Variants in RPS6KC1 observed in about 807,000 individuals in gnomAD.
The protein encoded by RPS6KC1 is inactive ribosomal protein S6 kinase delta-1.
In RPS6KC1, 54 loss-of-function variants were observed where a neutral mutation model predicts 103.8. The observed-to-expected ratio is 0.52, with a 90% CI of 0.42 to 0.65. The LOEUF (loss-of-function observed/expected upper bound fraction) is 0.65. RPS6KC1 is among the 30% of genes least tolerant of loss of function. The pLI is 0.00. For synonymous variants in RPS6KC1, 439 were observed against 438.7 expected, an observed-to-expected ratio of 1.00 and a Z score of -0.01; for missense variants, 1,151 against 1,253.8, an observed-to-expected ratio of 0.92 and a Z score of 1.24.
intron 3 of RPS6KC1, among the ~76,000 whole-genome samples, chr1:213,078,741 G>A (rs113535813): frequency 6.6e-6 from 1 of 152,114 alleles, no homozygotes; most frequent in Non-Finnish European, 1.5e-5. Flanking sequence ...ACCAATTTCT[G>A]CATATGTAAT....
chr1:213,252,086 C>T (rs1408641099), intron 12 of RPS6KC1, among the ~76,000 whole-genome samples: 2 of 152,198 alleles, frequency 1.3e-5, no homozygotes, highest in Non-Finnish European at 2.9e-5. Context: ...ATGCTTTCTT[C>T]TGTGTTTCTT....
the RPS6KC1 span, among the ~76,000 whole-genome samples, chr1:213,476,513 A>C: frequency 4.3e-4 from 66 of 152,260 alleles, no homozygotes; most frequent in African/African-American, 1.4e-3. Context: ...CCCTTTATAA[A>C]TCTTTCCATT....
At chr1:213,167,747 CTTCTT>C in intron 6 of RPS6KC1, 106 bp from the exon 7 acceptor site, 2 of 529,630 alleles carry the variant, frequency 3.8e-6, no homozygotes, top group Non-Finnish European at 3.2e-6. Context: ...TTGAATATCT[CTTCTT>C]TTTTGTTAGA....
chr1:213,493,048 A>G, the RPS6KC1 span, among the ~76,000 whole-genome samples: 13 of 152,238 alleles, frequency 8.5e-5, no homozygotes, highest in Admixed American at 7.2e-4. Flanking sequence ...TTGGAGGTCT[A>G]AAATGCAAGA....
At chr1:213,488,756 A>G in the RPS6KC1 span, among the ~76,000 whole-genome samples, 147 of 152,364 alleles carry the variant, frequency 9.6e-4, no homozygotes, top group African/African-American at 3.4e-3. Context: ...CCAAACTGAC[A>G]TAAGATCTTT....
intron 7 of RPS6KC1, among the ~76,000 whole-genome samples, chr1:213,173,280 C>T (rs2091619212): frequency 6.6e-6 from 1 of 152,120 alleles, no homozygotes; most frequent in Non-Finnish European, 1.5e-5. Flanking sequence ...TGATCTCAAA[C>T]TTTTATAGAT....
At chr1:213,518,946 G>A in the RPS6KC1 span, among the ~76,000 whole-genome samples, 25 of 152,142 alleles carry the variant, frequency 1.6e-4, no homozygotes, top group Admixed American at 1.6e-3. Flanking sequence ...AGAGGGAGAA[G>A]AAGGGAAGGG....
chr1:213,450,164 A>T, the RPS6KC1 span, among the ~76,000 whole-genome samples: 3 of 152,228 alleles, frequency 2.0e-5, no homozygotes, highest in Non-Finnish European at 4.4e-5. Flanking sequence ...TACATAGGAC[A>T]GCACCTGGTA....
the RPS6KC1 span, among the ~76,000 whole-genome samples, chr1:213,779,147 C>A: frequency 1.3e-5 from 2 of 152,034 alleles, no homozygotes; most frequent in Non-Finnish European, 2.9e-5. Flanking sequence ...ATAAATATTC[C>A]CCATTTCAGG....
chr1:213,120,766 T>TAA (rs1337373469), intron 5 of RPS6KC1, among the ~76,000 whole-genome samples: 1 of 152,180 alleles, frequency 6.6e-6, no homozygotes, highest in Non-Finnish European at 1.5e-5. Context: ...GGGTAAATCT[T>TAA]AATATATAGT....
At chr1:213,465,975 G>C in the RPS6KC1 span, among the ~76,000 whole-genome samples, 2 of 152,054 alleles carry the variant, frequency 1.3e-5, no homozygotes, top group African/African-American at 4.8e-5. Context: ...AAAATCTTTT[G>C]CTTCTCATGG....
chr1:213,200,947 C>G (rs2093139984), intron 8 of RPS6KC1, among the ~76,000 whole-genome samples: 1 of 151,872 alleles, frequency 6.6e-6, no homozygotes, highest in African/African-American at 2.4e-5. Context: ...TAGAGAGGAA[C>G]TACAGACACT....
the RPS6KC1 span, among the ~76,000 whole-genome samples, chr1:213,672,668 A>G: frequency 1.6e-4 from 25 of 152,094 alleles, no homozygotes; most frequent in South Asian, 5.0e-3. Flanking sequence ...AGCCTTATCC[A>G]CTCTGAGTGT....
chr1:213,454,470 C>T, the RPS6KC1 span, among the ~76,000 whole-genome samples: 1 of 152,174 alleles, frequency 6.6e-6, no homozygotes, highest in South Asian at 2.1e-4. Flanking sequence ...TCTGTCTAAA[C>T]TTATACCTGG....
chr1:213,109,131 T>A (rs2082764994), intron 4 of RPS6KC1, among the ~76,000 whole-genome samples: 1 of 152,110 alleles, frequency 6.6e-6, no homozygotes, highest in Non-Finnish European at 1.5e-5. Context: ...CTATATTTAT[T>A]TGGATATTCT....
the RPS6KC1 span, among the ~76,000 whole-genome samples, chr1:213,550,213 G>A: frequency 6.6e-6 from 1 of 152,172 alleles, no homozygotes; most frequent in African/African-American, 2.4e-5. Flanking sequence ...TATGAAGTGA[G>A]ATACATGGGT....
chr1:213,485,728 TCAGAGTCTAGGGCAG>T, the RPS6KC1 span, among the ~76,000 whole-genome samples: 2 of 152,144 alleles, frequency 1.3e-5, no homozygotes, highest in Admixed American at 1.3e-4. Flanking sequence ...TGGGGTGCTA[TCAGAGTCTAGGGCAG>T]CAACTCTGCT....
At chr1:213,454,050 T>C in the RPS6KC1 span, among the ~76,000 whole-genome samples, 1 of 152,212 alleles carries the variant, frequency 6.6e-6, no homozygotes, top group Non-Finnish European at 1.5e-5. Flanking sequence ...GTTAATCCAC[T>C]ATGTTATTGG....
intron 3 of RPS6KC1, among the ~76,000 whole-genome samples, chr1:213,097,492 T>C (rs1157886916): frequency 6.6e-6 from 1 of 152,226 alleles, no homozygotes; most frequent in African/African-American, 2.4e-5. Context: ...AGAGTAGATT[T>C]AGCCTAATTC....
Sources: gnomAD v4.1 joint callset for allele counts (sites outside exome capture counted in the v4.1 genomes callset) on GRCh38, gnomAD v4.1.1 for gene constraint, MANE v1.5 for transcripts, NCBI Gene and HGNC (gene_info 2026-07-23, HGNC 2026-07-21) for gene names.